PCDHGA4: variants seen among roughly 807,000 people sequenced by gnomAD.
PCDHGA4 encodes protocadherin gamma subfamily A, 4.
Under a neutral mutation model 54.6 loss-of-function variants are expected in PCDHGA4, and 38 were observed. The observed-to-expected ratio is 0.70, with a 90% CI of 0.54 to 0.91. The LOEUF is 0.91. Among genes scored for constraint, PCDHGA4 ranks in the 40% least tolerant of loss-of-function variants. PCDHGA4 has a pLI of 0.00. For missense variants in PCDHGA4, 1,298 were observed against 1,220.9 expected (o/e 1.06, Z -0.94); for synonymous variants, 511 against 512.9 (o/e 1.00, Z 0.05).
chr5:141,404,525 T>G, intron 1 of PCDHGA4: 1 of 1,613,796 alleles, frequency 6.2e-7, no homozygotes, highest in South Asian at 1.1e-5. Flanking sequence ...CTATGAGCAG[T>G]TTAGAGATTT....
At position 141,398,835 on chromosome 5, in the gene PCDHGA4, T is replaced by C. The variant is rs371527677; in HGVS notation, c.2514+41214T>C. The C allele has an allele frequency of 2.0e-5, 33 of 1,613,914 alleles. No homozygotes were observed. In the African/African-American group the frequency reaches 3.7e-4, roughly 18 times the overall value. ...TCCGGATCCAGGTAACCGACGCCAA[T>C]GATAATCCCCCGGTATTCAACCGAG... On this transcript the variant is annotated intron_variant, in intron 1 of 3. Transcript: ENST00000571252.
chr5:141,414,429 G>A (rs1372056104), intron 1 of PCDHGA4: 1 of 1,613,860 alleles, frequency 6.2e-7, no homozygotes, highest in Non-Finnish European at 8.5e-7. Flanking sequence ...ACAGGGAACA[G>A]GTATCCTCTT....
Position 141,366,326 on chromosome 5 carries a change from G to A in PCDHGA4, c.2514+8705G>A, listed in dbSNP as rs377206764. ...CTTCACGGTCACCGTTGCCGTGGCCGACAGGATCCCTGACATCCTGGCTGA... is the reference window on the plus strand; with the variant it reads ...CTTCACGGTCACCGTTGCCGTGGCCAACAGGATCCCTGACATCCTGGCTGA... On this transcript the variant is annotated intron_variant, in intron 1 of 3. Coordinates refer to ENST00000571252, the MANE Select transcript of PCDHGA4 (RefSeq NM_018917.4). 4 of 1,613,810 alleles carry A rather than the reference G, an allele frequency of 2.5e-6. No individual in the cohort carries two copies. The African/African-American group carries it at 4.0e-5, about 16-fold the overall frequency.
chr5:141,475,049 A>G (rs553607902), intron 1 of PCDHGA4, among the ~76,000 whole-genome samples: 81 of 152,346 alleles, frequency 5.3e-4, no homozygotes, highest in African/African-American at 1.8e-3. Context: ...TGTATTTTCT[A>G]AAGATTTGTG....
intron 1 of PCDHGA4, chr5:141,408,402 G>A: frequency 1.2e-6 from 2 of 1,614,052 alleles, no homozygotes; most frequent in Non-Finnish European, 1.7e-6. Context: ...CGCAAGCTGC[G>A]AGTGAGCGCG....
At chr5:141,418,566 A>G (rs2096269931) in intron 1 of PCDHGA4, 2 of 1,614,054 alleles carry the variant, frequency 1.2e-6, no homozygotes, top group South Asian at 1.1e-5. Context: ...ATAGATGCCA[A>G]TGACAACCCC....
chr5:141,481,913 C>CA (rs34114744), intron 1 of PCDHGA4, among the ~76,000 whole-genome samples: 1,134 of 90,654 alleles, frequency 0.013, 16 homozygotes, highest in East Asian at 0.053. Flanking sequence ...AACTCCATCT[C>CA]AAAAAAAAAA....
chr5:141,372,012 C>T, intron 1 of PCDHGA4: 1 of 1,613,320 alleles, frequency 6.2e-7, no homozygotes, highest in South Asian at 1.1e-5. Context: ...CCAGGGCTCG[C>T]CTACGCTCAG....
chr5:141,489,085 G>A lies in PCDHGA4; in HGVS notation c.2515-5722G>A, dbSNP rs1347512723. The A allele has an allele frequency of 2.6e-5, 6 of 230,066 alleles. No homozygotes were observed. The South Asian group carries it at 4.3e-4, about 16-fold the overall frequency. 14.3% of individuals were successfully genotyped at this position (230,066 alleles called of 1,614,324 possible). A position where few individuals can be genotyped will look rare whatever the true frequency, so the allele number is the denominator to read the frequency against. Reference sequence around the variant, plus strand: ...TCCCCCCTGCCCACCCCCGCCACTCGGTGACTAAGAACTGCTGCAAGCAGG... The same window carrying A: ...TCCCCCCTGCCCACCCCCGCCACTCAGTGACTAAGAACTGCTGCAAGCAGG... On this transcript the variant is annotated intron_variant, in intron 1 of 3. Coordinates refer to ENST00000571252, the MANE Select transcript of PCDHGA4 (RefSeq NM_018917.4). The surrounding 1 kb of genome is among the most constrained non-coding windows in gnomAD (Gnocchi z 4.5).
At chr5:141,392,877 A>G in intron 1 of PCDHGA4, 2 of 1,613,506 alleles carry the variant, frequency 1.2e-6, no homozygotes, top group Non-Finnish European at 1.7e-6. Context: ...GCTGCTGGGA[A>G]CGCTGTGGGA....
At chr5:141,462,217 C>T (rs1469685983) in intron 1 of PCDHGA4, among the ~76,000 whole-genome samples, 1 of 152,216 alleles carries the variant, frequency 6.6e-6, no homozygotes, top group South Asian at 2.1e-4. Flanking sequence ...GCCTCGGCCT[C>T]CCAAAGTGCA....
At position 141,485,651 on chromosome 5, in the gene PCDHGA4, G is replaced by A. The variant is rs752827268; in HGVS notation, c.2515-9156G>A. The A allele has an allele frequency of 6.8e-6, 11 of 1,612,228 alleles. No individual in the cohort carries two copies. The Admixed American group carries it at 1.3e-4, about 20-fold the overall frequency. ...TTTCCCGTTGGAAAAGGCTCAGGATGCAGATGTGGGGAGCAATTCGATTAG... is the reference window on the plus strand; with the variant it reads ...TTTCCCGTTGGAAAAGGCTCAGGATACAGATGTGGGGAGCAATTCGATTAG... On this transcript the variant is annotated intron_variant, in intron 1 of 3. Transcript: ENST00000571252. This position sits in a 1 kb window ranked among gnomAD's most constrained non-coding sequence, Gnocchi z 5.7.
rs2099388737 is a variant in PCDHGA4 at position 141,476,307 on chromosome 5, G to T, written c.2515-18500G>T. 1 of 1,613,606 alleles carries T rather than the reference G, an allele frequency of 6.2e-7. No individual in the cohort carries two copies. The highest frequency in any genetic ancestry group is 1.3e-5 in the African/African-American group (1 of 74,728). ...TTGGATCTCGGTAGCCTCTCAGCCC[G>T]CAGGTTCCGGGTGGTGTCTGGAGCT... On this transcript the variant is annotated intron_variant, in intron 1 of 3. Coordinates refer to ENST00000571252, the MANE Select transcript of PCDHGA4 (RefSeq NM_018917.4). The surrounding 1 kb of genome is among the most constrained non-coding windows in gnomAD (Gnocchi z 7.6).
chr5:141,456,427 T>A (rs1156577293), intron 1 of PCDHGA4, among the ~76,000 whole-genome samples: 1 of 152,166 alleles, frequency 6.6e-6, no homozygotes, highest in East Asian at 1.9e-4. Context: ...ATTCAAGTTA[T>A]AGTATTGAGT....
intron 1 of PCDHGA4, chr5:141,404,392 T>C (rs759142051): frequency 3.1e-6 from 5 of 1,613,820 alleles, no homozygotes; most frequent in African/African-American, 1.3e-5. Flanking sequence ...ATGACCCTGA[T>C]AGCAATGAGA....
chr5:141,418,153 G>A (rs1561771797), intron 1 of PCDHGA4: 2 of 1,614,086 alleles, frequency 1.2e-6, no homozygotes, highest in East Asian at 2.2e-5. Context: ...TATGCAAAGA[G>A]AGAAGAAGAT....
intron 1 of PCDHGA4, chr5:141,389,554 C>T: frequency 1.2e-6 from 2 of 1,613,184 alleles, no homozygotes; most frequent in South Asian, 1.1e-5. Context: ...AACGACAATG[C>T]GCCACGGGTG....
chr5:141,375,516 A>G (rs757383072), intron 1 of PCDHGA4: 1 of 1,613,900 alleles, frequency 6.2e-7, no homozygotes, highest in East Asian at 2.2e-5. Flanking sequence ...AATGCACTGG[A>G]CCCTGACGTG....
rs764389909 is a variant in PCDHGA4, at chr5:141,491,064, ACTGTTG to A, written c.2515-3741_2515-3736del. On this transcript the variant is annotated intron_variant, in intron 1 of 3. Transcript: ENST00000571252. The surrounding 1 kb of genome is among the most constrained non-coding windows in gnomAD (Gnocchi z 6.9). ...GCCACAATGCGTGGCTCTCCTACTCACTGTTGCCACAGTCCACAGCCCCAGGACTGT... is the reference window on the plus strand; with the variant it reads ...GCCACAATGCGTGGCTCTCCTACTCACCACAGTCCACAGCCCCAGGACTGT... 1.2e-6 allele frequency: 2 copies of A among 1,613,962 alleles called. No homozygotes were observed. Among genetic ancestry groups the A allele is most frequent in the Admixed American group, 3.3e-5 (2 of 60,010 alleles).
Sources: gnomAD v4.1 joint callset for allele counts (sites outside exome capture counted in the v4.1 genomes callset) on GRCh38, gnomAD v4.1.1 for gene constraint, Gnocchi (gnomAD v3.1) non-coding constraint, MANE v1.5 for transcripts, NCBI Gene and HGNC (gene_info 2026-07-23, HGNC 2026-07-21) for gene names.